CRYBB3: variants seen among roughly 807,000 people sequenced by gnomAD.
The protein encoded by CRYBB3 is beta-crystallin B3.
A neutral mutation model predicts 28.3 loss-of-function variants in CRYBB3; 35 were observed. The ratio of observed to expected loss-of-function variants is 1.24; its 90% CI spans 0.95 to 1.64. The LOEUF is 1.64. Ranked by LOEUF, CRYBB3 falls within the 40% of genes most tolerant of loss-of-function variation. The probability of loss-of-function intolerance (pLI) is 0.00; values close to 1 mark genes in which losing one functional copy is unlikely to be tolerated. For synonymous variants in CRYBB3, 106 were observed against 110.4 expected (o/e 0.96, Z 0.25); for missense variants, 296 against 297.4 (o/e 1.00, Z 0.04).
chr22:25,206,365 G>A (rs1935034173), intron 5 of CRYBB3, among the ~76,000 whole-genome samples: 1 of 152,074 alleles, frequency 6.6e-6, no homozygotes, highest in South Asian at 2.1e-4. Context: ...CCACCACGGA[G>A]AAACCCCGTC....
At chr22:25,205,430 C>T (rs1258991030) in intron 5 of CRYBB3, 68 bp downstream of exon 5, 50 of 1,564,366 alleles carry the variant, frequency 3.2e-5, no homozygotes, top group Admixed American at 3.6e-5. Context: ...CAAACAGAAT[C>T]AGTGCCCATA....
intron 3 of CRYBB3, 118 bp from the exon 4 acceptor site, chr22:25,203,645 G>T: frequency 1.8e-6 from 2 of 1,120,212 alleles, no homozygotes; most frequent in Non-Finnish European, 2.7e-6. Flanking sequence ...ATTAGCAGTA[G>T]GGTTGGAGGG....
In CRYBB3 at chr22:25,202,788, G is replaced by A. The variant is rs761093453; in HGVS notation, c.190G>A (p.Gly64Arg). Residue 64 changes from glycine to arginine, a missense_variant, in exon 3 of 6, where the codon GGG (glycine) becomes AGG (arginine). By Grantham distance (125) the Gly-to-Arg change is moderately radical. Transcript: ENST00000215855. ...GGTGGGCTCCATCCAAGTGGAGTCC[G>A]GGCCGTGAGTACCTAGACCCCCAGT... is the stretch of plus-strand genomic sequence containing the variant. ...EKVGSIQVES[G>R]PWLAFESRAF... 16 of 1,613,702 alleles carry A rather than the reference G, an allele frequency of 9.9e-6. No homozygotes were observed. The highest frequency in any genetic ancestry group is 4.4e-5 in the South Asian group (4 of 91,048).
intron 4 of CRYBB3, 99 bp downstream of exon 4, chr22:25,203,994 C>T (rs916467389): frequency 6.9e-7 from 1 of 1,448,632 alleles, no homozygotes; most frequent in Non-Finnish European, 9.7e-7. Flanking sequence ...GAGGGTTTGG[C>T]CCATATGGAC....
Position 25,203,896 on chromosome 22 carries a change from G to T in CRYBB3, c.327+1G>T, listed in dbSNP as rs143187630. 9.5e-5 allele frequency: 153 copies of T among 1,614,146 alleles called. No individual in the cohort carries two copies. The African/African-American group carries it at 1.7e-3, about 18-fold the overall frequency. On this transcript the variant is annotated splice_donor_variant, in intron 4 of 5. Transcript: ENST00000215855. LOFTEE classifies it high-confidence loss of function. ...TCTGTCCCTCCGGCCTCTGAATATT[G>T]TGAGTGTGGTTCCTGCTCACTTCTG...
In CRYBB3 at chr22:25,201,490, G is replaced by A; in HGVS notation, c.75+19G>A. On this transcript the variant is annotated intron_variant, in intron 2 of 5. Coordinates refer to ENST00000215855, the MANE Select transcript of CRYBB3 (RefSeq NM_004076.5). ...CTACAAGGTACTGGGCAGGGAGGGG[G>A]TCAGAGGGCCCAGGCTACTCCTGGG... 2 of 1,611,412 alleles carry A rather than the reference G, an allele frequency of 1.2e-6. No individual in the cohort carries two copies. Among genetic ancestry groups the A allele is most frequent in the Non-Finnish European group, 1.7e-6 (2 of 1,178,738 alleles).
At chr22:25,204,162 A>G (rs1934993457) in intron 4 of CRYBB3, among the ~76,000 whole-genome samples, 1 of 152,234 alleles carries the variant, frequency 6.6e-6, no homozygotes, top group South Asian at 2.1e-4. Context: ...ACCGTACTAA[A>G]ACGATGAGCC....
At chr22:25,201,303 T>A in intron 1 of CRYBB3, 74 bp from the exon 2 acceptor site, 1 of 1,594,846 alleles carries the variant, frequency 6.3e-7, no homozygotes, top group Non-Finnish European at 8.6e-7. Flanking sequence ...CTGTAGCTCA[T>A]CCTGGACTCC....
intron 1 of CRYBB3, 114 bp downstream of exon 1, chr22:25,200,023 C>T (rs1230801505): frequency 6.6e-6 from 1 of 152,192 alleles, no homozygotes; most frequent in East Asian, 1.9e-4. Flanking sequence ...AAAAACAGCG[C>T]CTCCCTTAAG....
At position 25,207,030 on chromosome 22, in the gene CRYBB3, C is replaced by T; in HGVS notation, c.471-17C>T. On this transcript the variant is annotated splice_polypyrimidine_tract_variant and intron_variant, in intron 5 of 5. Transcript: ENST00000215855. ...TGGAAGCAGACCGTCCACATCTCAA[C>T]CTTGGTCTCCCGGCAGGTGGGTTGG... is the stretch of plus-strand genomic sequence containing the variant. 6.2e-7 allele frequency: 1 copy of T among 1,606,120 alleles called. No homozygotes were observed. Among genetic ancestry groups the T allele is most frequent in the South Asian group, 1.1e-5 (1 of 90,932 alleles).
At chr22:25,202,570 G>A in intron 2 of CRYBB3, 104 bp from the exon 3 acceptor site, 1 of 1,594,276 alleles carries the variant, frequency 6.3e-7, no homozygotes, top group South Asian at 1.1e-5. Flanking sequence ...AGGCTGGAGA[G>A]ATGCAGAAAG....
chr22:25,202,264 G>A (rs545568527), intron 2 of CRYBB3, among the ~76,000 whole-genome samples: 2 of 152,058 alleles, frequency 1.3e-5, no homozygotes, highest in South Asian at 2.1e-4. Context: ...GGTCTTCCCC[G>A]AGACTGCAAA....
chr22:25,200,362 G>A (rs1334488900), intron 1 of CRYBB3, among the ~76,000 whole-genome samples: 1 of 152,138 alleles, frequency 6.6e-6, no homozygotes, highest in Non-Finnish European at 1.5e-5. Context: ...AGCCGTGGGT[G>A]GGTAACAGTT....
At chr22:25,206,125 C>A (rs539447409) in intron 5 of CRYBB3, among the ~76,000 whole-genome samples, 22 of 152,312 alleles carry the variant, frequency 1.4e-4, no homozygotes, top group African/African-American at 4.1e-4. Context: ...GGCTTGTAAT[C>A]TGGGGTTGGG....
At position 25,205,271 on chromosome 22, in the gene CRYBB3, C is replaced by G. The variant is rs200985752; in HGVS notation, c.379C>G (p.Arg127Gly). 4.3e-6 allele frequency: 7 copies of G among 1,613,994 alleles called. No homozygotes were observed. The highest frequency in any genetic ancestry group is 1.7e-5 in the Admixed American group (1 of 60,000). ...HLFENPAFSG[R>G]KMEIVDDDVP... is the part of the protein sequence containing the mutation. The stretch of plus-strand genomic sequence containing the variant: ...GTTTGAGAACCCAGCTTTCAGTGGC[C>G]GCAAGATGGAGATAGTGGATGATGA... The change falls in exon 5 of 6, where the codon CGC becomes GGC. Residue 127 changes from arginine (R) to glycine (G), a missense_variant. Coordinates refer to ENST00000215855, the MANE Select transcript of CRYBB3 (RefSeq NM_004076.5).
intron 2 of CRYBB3, 63 bp downstream of exon 2, chr22:25,201,534 A>C: frequency 6.3e-7 from 1 of 1,595,102 alleles, no homozygotes. Context: ...TCATCTTCCC[A>C]GCCAAGCAGC....
In CRYBB3 at chr22:25,207,319, A is replaced by G; in HGVS notation, c.*107A>G. 1 of 990,460 alleles carries G rather than the reference A, an allele frequency of 1.0e-6. No individual in the cohort carries two copies. Among genetic ancestry groups the G allele is most frequent in the Non-Finnish European group, 1.5e-6 (1 of 681,644 alleles). 61.4% of individuals were successfully genotyped at this position (990,460 alleles called of 1,614,324 possible). On this transcript the variant is annotated 3_prime_UTR_variant, in exon 6 of 6. Transcript: ENST00000215855. Reference sequence around the variant, plus strand: ...GGCCGACCTGTCCACCCTTCCCTGGAATCTGCTCAATAAAGCCTGGGGTTG... The same window carrying G: ...GGCCGACCTGTCCACCCTTCCCTGGGATCTGCTCAATAAAGCCTGGGGTTG...
chr22:25,200,721 A>T (rs1934930762), intron 1 of CRYBB3, among the ~76,000 whole-genome samples: 1 of 152,142 alleles, frequency 6.6e-6, no homozygotes, highest in South Asian at 2.1e-4. Context: ...TGTTCAATAA[A>T]TGCTTAAGGA....
chr22:25,200,205 C>T (rs957132877), intron 1 of CRYBB3, among the ~76,000 whole-genome samples: 9 of 152,022 alleles, frequency 5.9e-5, no homozygotes, highest in Non-Finnish European at 8.8e-5. Flanking sequence ...CCAAGTCCCC[C>T]GAGAGTCCCC....
Sources: gnomAD v4.1 joint callset for allele counts (sites outside exome capture counted in the v4.1 genomes callset) on GRCh38, gnomAD v4.1.1 for gene constraint, MANE v1.5 for transcripts, NCBI Gene and HGNC (gene_info 2026-07-23, HGNC 2026-07-21) for gene names.